GFPT1: variants seen among roughly 807,000 people sequenced by gnomAD.
GFPT1 encodes the protein glutamine--fructose-6-phosphate transaminase 1.
A neutral mutation model predicts 92.0 loss-of-function variants in GFPT1; 40 were observed. That is an observed-to-expected ratio of 0.43 (90% confidence interval 0.34 to 0.57). The LOEUF (loss-of-function observed/expected upper bound fraction) is 0.57, where lower values mean the gene tolerates loss of function less well. Ranked by LOEUF, GFPT1 falls within the 20% of genes least tolerant of loss-of-function variation. The pLI is 0.02. For synonymous variants in GFPT1, 269 were observed against 280.6 expected (o/e 0.96, Z 0.41); for missense variants, 448 against 869.1 (o/e 0.52, Z 6.09).
At chr2:69,374,775 T>C (rs1671833883) in intron 1 of GFPT1, among the ~76,000 whole-genome samples, 1 of 152,208 alleles carries the variant, frequency 6.6e-6, no homozygotes, top group Non-Finnish European at 1.5e-5. Flanking sequence ...GCAACATATA[T>C]AGGCCCTAAA....
rs1670442619 is a variant in GFPT1, at chr2:69,322,628, C to T, written c.*3561G>A. The stretch of plus-strand genomic sequence containing the variant: ...TAAAACAATCTCATCTCAGTAACTA[C>T]CTCCTATGAAACCTAAGAGAGAAAA... On this transcript the variant is annotated 3_prime_UTR_variant, in exon 20 of 20. Coordinates refer to ENST00000357308, the MANE Select transcript of GFPT1 (RefSeq NM_001244710.2). 1 of 152,198 alleles carries T rather than the reference C, an allele frequency of 6.6e-6. No homozygotes were observed. Among genetic ancestry groups the T allele is most frequent in the Non-Finnish European group, 1.5e-5 (1 of 68,028 alleles). 9.4% of individuals were successfully genotyped at this position (152,198 alleles called of 1,614,324 possible). A position where few individuals can be genotyped will look rare whatever the true frequency, so the allele number is the denominator to read the frequency against.
At chr2:69,384,750 GAA>G (rs1672092234) in intron 1 of GFPT1, among the ~76,000 whole-genome samples, 1 of 132,242 alleles carries the variant, frequency 7.6e-6, no homozygotes, top group South Asian at 2.5e-4. Flanking sequence ...GAGAAAGAAA[GAA>G]AGAGAGAGAA....
At chr2:69,375,011 A>G (rs1417022909) in intron 1 of GFPT1, among the ~76,000 whole-genome samples, 1 of 152,254 alleles carries the variant, frequency 6.6e-6, no homozygotes, top group African/African-American at 2.4e-5. Flanking sequence ...GAAAAAGAGC[A>G]ATCATTTGGA....
intron 8 of GFPT1, 52 bp downstream of exon 8, chr2:69,354,437 A>T: frequency 7.6e-7 from 1 of 1,318,592 alleles, no homozygotes; most frequent in South Asian, 1.2e-5. Context: ...TTCCAACTTA[A>T]GGAAAATAAT....
chr2:69,376,554 C>T (rs1671876467), intron 1 of GFPT1, among the ~76,000 whole-genome samples: 1 of 151,570 alleles, frequency 6.6e-6, no homozygotes, highest in South Asian at 2.1e-4. Flanking sequence ...AAAACTGAAT[C>T]TGAACTAGTT....
intron 7 of GFPT1, 40 bp downstream of exon 7, chr2:69,356,456 T>C (rs761449965): frequency 7.3e-7 from 1 of 1,363,250 alleles, no homozygotes; most frequent in South Asian, 1.2e-5. Context: ...GTAACTCAAA[T>C]ATGTTGAAAT....
At position 69,326,063 on chromosome 2, in the gene GFPT1, G is replaced by GT; in HGVS notation, c.*125_*126insA. 1 of 653,866 alleles carries GT rather than the reference G, an allele frequency of 1.5e-6. No individual in the cohort carries two copies. The highest frequency in any genetic ancestry group is 2.7e-6 in the Non-Finnish European group (1 of 368,574). The allele number at this position is 653,866 out of a possible 1,614,324, so 40.5% of individuals were successfully genotyped here. On this transcript the variant is annotated 3_prime_UTR_variant, in exon 20 of 20. Coordinates refer to ENST00000357308, the MANE Select transcript of GFPT1 (RefSeq NM_001244710.2). ...CATATTGAGTGGAATAATTATAACT[G>GT]ATATATAAATAAGGATTTACTAAAA... is the stretch of plus-strand genomic sequence containing the variant.
intron 1 of GFPT1, among the ~76,000 whole-genome samples, chr2:69,379,026 C>A (rs1454659558): frequency 6.6e-6 from 1 of 152,128 alleles, no homozygotes; most frequent in African/African-American, 2.4e-5. Flanking sequence ...GCAGAGGTTA[C>A]TTGAGCTCAG....
At chr2:69,328,565 G>C in intron 17 of GFPT1, 127 bp from the exon 18 acceptor site, 1 of 665,936 alleles carries the variant, frequency 1.5e-6, no homozygotes, top group Non-Finnish European at 2.7e-6. Flanking sequence ...AAGGACCACT[G>C]ATCTATAAAT....
intron 4 of GFPT1, among the ~76,000 whole-genome samples, chr2:69,360,682 C>T (rs1218894688): frequency 6.6e-6 from 1 of 152,102 alleles, no homozygotes; most frequent in Non-Finnish European, 1.5e-5. Context: ...CCTCCCACTT[C>T]ATCCTTCCAG....
At chr2:69,358,238 AT>A (rs1388745645) in intron 6 of GFPT1, 90 bp downstream of exon 6, 9 of 1,106,568 alleles carry the variant, frequency 8.1e-6, no homozygotes, top group African/African-American at 1.6e-5. Context: ...AAATAAAAAA[AT>A]AGCACAGTTC....
intron 3 of GFPT1, among the ~76,000 whole-genome samples, chr2:69,365,009 A>AG (rs1434654262): frequency 6.6e-6 from 1 of 151,116 alleles, no homozygotes; most frequent in African/African-American, 2.4e-5. Flanking sequence ...AAAAAAAAAA[A>AG]AAAAAAAAAA....
chr2:69,371,918 T>C (rs886599229), intron 2 of GFPT1, among the ~76,000 whole-genome samples: 2 of 150,130 alleles, frequency 1.3e-5, no homozygotes, highest in African/African-American at 4.9e-5. Context: ...AGAAGGCTGA[T>C]GGGCCAGGCA....
chr2:69,345,842 T>A, intron 12 of GFPT1, 62 bp downstream of exon 12: 1 of 926,458 alleles, frequency 1.1e-6, no homozygotes. Flanking sequence ...ACTTTCAGGT[T>A]GTTAATGGCA....
chr2:69,319,895 C>A lies in GFPT1; in HGVS notation c.*6294G>T, dbSNP rs903906006. ...ACATACAAAGTACAATAGGAAAAAACCAAAAGCCCCCATAAATTAGAGTGG... is the reference window on the plus strand; with the variant it reads ...ACATACAAAGTACAATAGGAAAAAAACAAAAGCCCCCATAAATTAGAGTGG... On this transcript the variant is annotated 3_prime_UTR_variant, in exon 20 of 20. Coordinates refer to ENST00000357308, the MANE Select transcript of GFPT1 (RefSeq NM_001244710.2). 2.6e-5 allele frequency: 4 copies of A among 152,058 alleles called. No homozygotes were observed. The highest frequency in any genetic ancestry group is 4.8e-5 in the African/African-American group (2 of 41,396). 9.4% of individuals were successfully genotyped at this position (152,058 alleles called of 1,614,324 possible). A position where few individuals can be genotyped will look rare whatever the true frequency, so the allele number is the denominator to read the frequency against.
At chr2:69,354,860 C>T (rs899851610) in intron 7 of GFPT1, among the ~76,000 whole-genome samples, 1 of 152,046 alleles carries the variant, frequency 6.6e-6, no homozygotes, top group African/African-American at 2.4e-5. Flanking sequence ...CCTAATTAGC[C>T]AGGTGTGATG....
rs1378864996 is a variant in GFPT1, at chr2:69,356,506, C to A, written c.595G>T (p.Val199Phe). The change falls in exon 7 of 20, where the codon GTT becomes TTT. Residue 199 changes from valine to phenylalanine, a missense_variant. Around this residue, in one of 7 missense-constraint regions of GFPT1, gnomAD observed 118 missense variants for 192.9 expected, o/e 0.61. Transcript: ENST00000357308. ...FKSVHFPGQAVGTRRGSPLLI... is the reference protein window; with the variant it reads ...FKSVHFPGQAFGTRRGSPLLI... The stretch of plus-strand genomic sequence containing the variant: ...TAGAGTTATATGTACCTTGTGCCAA[C>A]TGCTTGCCCGGGAAAATGAACACTT... 1.1e-5 allele frequency: 18 copies of A among 1,612,228 alleles called. No individual in the cohort carries two copies. Among genetic ancestry groups the A allele is most frequent in the Non-Finnish European group, 1.5e-5 (18 of 1,178,256 alleles).
intron 18 of GFPT1, among the ~76,000 whole-genome samples, chr2:69,327,782 G>A (rs1558725863): frequency 6.6e-6 from 1 of 152,146 alleles, no homozygotes; most frequent in Non-Finnish European, 1.5e-5. Context: ...CCCAATATGA[G>A]ATCTATGACC....
chr2:69,340,371 C>A (rs572596143), intron 13 of GFPT1, among the ~76,000 whole-genome samples: 1 of 152,156 alleles, frequency 6.6e-6, no homozygotes, highest in South Asian at 2.1e-4. Flanking sequence ...ATTTCCATCA[C>A]AATAGAGTAA....
Sources: allele counts gnomAD v4.1 joint callset (sites outside exome capture counted in the v4.1 genomes callset), GRCh38; gene constraint gnomAD v4.1.1; regional missense constraint gnomAD v4.1.1; transcripts MANE v1.5; gene names NCBI Gene and HGNC (gene_info 2026-07-23, HGNC 2026-07-21).